FHIP2A: variants seen among roughly 807,000 people sequenced by gnomAD.
FHIP2A encodes the protein FHF complex subunit HOOK interacting protein 2A.
FHIP2A carries 46 observed loss-of-function variants against 93.5 expected under a neutral mutation model. The observed-to-expected ratio is 0.49, with a 90% CI of 0.39 to 0.63. FHIP2A has a LOEUF of 0.63. FHIP2A is among the 20% of genes least tolerant of loss of function. The pLI, the probability that FHIP2A is intolerant of heterozygous loss-of-function variation, is 0.00. For synonymous variants in FHIP2A, 332 were observed against 326.5 expected (o/e 1.02, Z -0.18); for missense variants, 769 against 909.7 (o/e 0.85, Z 1.99).
At chr10:114,897,163 G>A (rs574946968) in intron 16 of FHIP2A, among the ~76,000 whole-genome samples, 52 of 152,120 alleles carry the variant, frequency 3.4e-4, no homozygotes, top group Admixed American at 1.8e-3. Context: ...CATATTTGGC[G>A]GTGCTTTTAC....
rs549602749 is a variant in FHIP2A, at chr10:114,845,291, C to T, written c.1014-76C>T. On this transcript the variant is annotated intron_variant, in intron 7 of 16. Coordinates refer to ENST00000369248, the MANE Select transcript of FHIP2A (RefSeq NM_020940.4). ...CTATCTGAGTGTGTTCATGTGCCTT[C>T]ATTTTTCCATACATTCTGAATAGGG... 9 of 808,028 alleles carry T rather than the reference C, an allele frequency of 1.1e-5. 1 individual carries two copies. The South Asian group carries it at 1.2e-4, about 11-fold the overall frequency. The allele number at this position is 808,028 out of a possible 1,614,324, so 50.1% of individuals were successfully genotyped here. A position where few individuals can be genotyped will look rare whatever the true frequency, so the allele number is the denominator to read the frequency against.
intron 16 of FHIP2A, among the ~76,000 whole-genome samples, chr10:114,891,583 GTATGTGTGTGTATA>G (rs2083974994): frequency 1.3e-5 from 2 of 149,440 alleles, no homozygotes; most frequent in South Asian, 2.1e-4. Flanking sequence ...GCACGCGTAT[GTATGTGTGTGTATA>G]TATGTGTGTG....
chr10:114,852,466 G>A (rs776178024), intron 13 of FHIP2A, among the ~76,000 whole-genome samples: 15 of 152,232 alleles, frequency 9.9e-5, no homozygotes, highest in East Asian at 1.9e-4. Context: ...GTCATTCAAG[G>A]TTTGTATTTC....
chr10:114,891,535 A>ATGTGTGTGTGTGTG (rs1342933567), intron 16 of FHIP2A, among the ~76,000 whole-genome samples: 5 of 126,492 alleles, frequency 4.0e-5, no homozygotes, highest in African/African-American at 1.4e-4. Flanking sequence ...ATATATATAT[A>ATGTGTGTGTGTGTG]TATGTGTGTG....
Position 114,847,092 on chromosome 10 carries a change from A to T in FHIP2A, c.1571A>T (p.Asp524Val), listed in dbSNP as rs747993785. ...VENGLIAGAV[D>V]LEEDPLFTDI... ...ATGTGTCATTAAATTTAACTTAGAG[A>T]TCTGGAAGAAGATCCATTATTTACT... Residue 524 changes from aspartate to valine, a missense_variant and splice_region_variant, in exon 12 of 17, where the codon GAT (aspartate) becomes GTT (valine). By Grantham distance (152) the Asp-to-Val change is radical. Coordinates refer to ENST00000369248, the MANE Select transcript of FHIP2A (RefSeq NM_020940.4). 2 of 1,602,952 alleles carry T rather than the reference A, an allele frequency of 1.2e-6. No individual in the cohort carries two copies. The highest frequency in any genetic ancestry group is 3.5e-5 in the Admixed American group (2 of 57,722).
At chr10:114,824,147 G>T (rs769187231) in intron 1 of FHIP2A, among the ~76,000 whole-genome samples, 1 of 152,164 alleles carries the variant, frequency 6.6e-6, no homozygotes, top group African/African-American at 2.4e-5. Context: ...AACATCCTCA[G>T]ATCTTAGGGG....
intron 16 of FHIP2A, among the ~76,000 whole-genome samples, chr10:114,871,686 C>T (rs1448885899): frequency 7.9e-5 from 12 of 152,236 alleles, no homozygotes; most frequent in African/African-American, 2.6e-4. Context: ...CCCAATCTAG[C>T]GAGGGGATCC....
chr10:114,898,027 T>C (rs1002181566), intron 16 of FHIP2A, among the ~76,000 whole-genome samples: 1 of 152,200 alleles, frequency 6.6e-6, no homozygotes, highest in African/African-American at 2.4e-5. Context: ...GGAAGCTGTA[T>C]TATGTTAGGT....
Position 114,861,582 on chromosome 10 carries a change from A to G in FHIP2A, c.*42A>G. On this transcript the variant is annotated 3_prime_UTR_variant, in exon 17 of 17. Coordinates refer to ENST00000369248, the MANE Select transcript of FHIP2A (RefSeq NM_020940.4). ...AACTGGGGGAACAGAACTACTGTGT[A>G]CATTTCACCAAAAAAGACTCAGTTC... 1 of 1,599,596 alleles carries G rather than the reference A, an allele frequency of 6.3e-7. No individual in the cohort carries two copies. The highest frequency in any genetic ancestry group is 8.5e-7 in the Non-Finnish European group (1 of 1,175,050).
chr10:114,847,494 G>A (rs2083708710), intron 12 of FHIP2A, among the ~76,000 whole-genome samples: 1 of 151,978 alleles, frequency 6.6e-6, no homozygotes, highest in Non-Finnish European at 1.5e-5. Flanking sequence ...TCACCATGTT[G>A]GTTAGGCTGG....
intron 16 of FHIP2A, among the ~76,000 whole-genome samples, chr10:114,881,585 T>C (rs2083917237): frequency 6.6e-6 from 1 of 152,112 alleles, no homozygotes; most frequent in Admixed American, 6.5e-5. Context: ...CTAACAGCCA[T>C]AAATATTTTA....
At chr10:114,885,301 AGGAGAATCGTTTGAAGCAG>A (rs1177195677) in intron 16 of FHIP2A, among the ~76,000 whole-genome samples, 3 of 151,842 alleles carry the variant, frequency 2.0e-5, no homozygotes, top group African/African-American at 7.3e-5. Flanking sequence ...AGGCTGAGGC[AGGAGAATCGTTTGAAGCAG>A]GGAGGCGTAG....
chr10:114,848,629 T>G lies in FHIP2A; in HGVS notation c.1713-18T>G, dbSNP rs997690941. The stretch of plus-strand genomic sequence containing the variant: ...TGCAAATGGACATCTTGCATAATTG[T>G]GGCCGTTTTCATTTAAGTTTTCTCT... On this transcript the variant is annotated intron_variant, in intron 12 of 16. Coordinates refer to ENST00000369248, the MANE Select transcript of FHIP2A (RefSeq NM_020940.4). 1.3e-6 allele frequency: 2 copies of G among 1,505,422 alleles called. No individual in the cohort carries two copies. 93.3% of individuals were successfully genotyped at this position (1,505,422 alleles called of 1,614,324 possible). A position where few individuals can be genotyped will look rare whatever the true frequency, so the allele number is the denominator to read the frequency against.
At chr10:114,873,971 A>T (rs1250121898) in intron 16 of FHIP2A, among the ~76,000 whole-genome samples, 1 of 151,942 alleles carries the variant, frequency 6.6e-6, no homozygotes, top group East Asian at 1.9e-4. Context: ...AACAACCCTA[A>T]GTTCTGTAGC....
chr10:114,863,885 A>T lies in FHIP2A; in HGVS notation c.*2345A>T, dbSNP rs1243334540. On this transcript the variant is annotated 3_prime_UTR_variant, in exon 17 of 17. Coordinates refer to ENST00000369248, the MANE Select transcript of FHIP2A (RefSeq NM_020940.4). ...CCTTGCTTCACATTTGTATCAATAAATATGCACATTTTTTAAAACTTTCTA... is the reference window on the plus strand; with the variant it reads ...CCTTGCTTCACATTTGTATCAATAATTATGCACATTTTTTAAAACTTTCTA... 3 of 1,085,166 alleles carry T rather than the reference A, an allele frequency of 2.8e-6. No homozygotes were observed. Among genetic ancestry groups the T allele is most frequent in the Non-Finnish European group, 3.4e-6 (3 of 886,628 alleles). 67.2% of individuals were successfully genotyped at this position (1,085,166 alleles called of 1,614,324 possible).
intron 16 of FHIP2A, among the ~76,000 whole-genome samples, chr10:114,871,089 T>C (rs2083857450): frequency 1.3e-5 from 2 of 148,746 alleles, no homozygotes; most frequent in African/African-American, 4.9e-5. Context: ...AAATATATGT[T>C]TTTAAATATG....
intron 5 of FHIP2A, among the ~76,000 whole-genome samples, chr10:114,838,411 A>G (rs1473798727): frequency 2.0e-5 from 3 of 152,146 alleles, no homozygotes; most frequent in Non-Finnish European, 4.4e-5. Context: ...GATGTGCGTT[A>G]TATTTTGTAT....
At chr10:114,871,889 C>T (rs1243583417) in intron 16 of FHIP2A, among the ~76,000 whole-genome samples, 3 of 152,160 alleles carry the variant, frequency 2.0e-5, no homozygotes, top group Non-Finnish European at 4.4e-5. Flanking sequence ...TCTGTCATCT[C>T]AGCTCACTGA....
At chr10:114,880,329 A>G (rs1018115629) in intron 16 of FHIP2A, among the ~76,000 whole-genome samples, 1 of 152,212 alleles carries the variant, frequency 6.6e-6, no homozygotes, top group Non-Finnish European at 1.5e-5. Flanking sequence ...CCATTGAACC[A>G]TACACTTTAA....
Sources: allele counts gnomAD v4.1 joint callset (sites outside exome capture counted in the v4.1 genomes callset), GRCh38; gene constraint gnomAD v4.1.1; transcripts MANE v1.5; gene names NCBI Gene and HGNC (gene_info 2026-07-23, HGNC 2026-07-21).